Variants in DDR2 observed in about 807,000 individuals in gnomAD.
DDR2 encodes discoidin domain-containing receptor 2.
A neutral mutation model predicts 94.9 loss-of-function variants in DDR2; 27 were observed. That is an observed-to-expected ratio of 0.28 (90% confidence interval 0.21 to 0.39). The LOEUF (loss-of-function observed/expected upper bound fraction) is 0.39. Among genes scored for constraint, DDR2 ranks in the 10% least tolerant of loss-of-function variants. The probability of loss-of-function intolerance (pLI) is 1.00; values close to 1 mark genes in which losing one functional copy is unlikely to be tolerated. For missense variants in DDR2, 783 were observed against 1,076.0 expected (o/e 0.73, Z 3.81); for synonymous variants, 382 against 377.2 (o/e 1.01, Z -0.15).
At position 162,708,978 on chromosome 1, in the gene DDR2, T is replaced by C. The variant is rs891119476; in HGVS notation, c.-27-10059T>C. 2.6e-5 allele frequency among the ~76,000 whole-genome samples: 4 copies of C among 152,266 alleles called. No homozygotes were observed. The East Asian group carries it at 5.8e-4, about 22-fold the overall frequency. On this transcript the variant is annotated intron_variant, in intron 2 of 17. Transcript: ENST00000367921. Reference sequence around the variant, plus strand: ...AGAGAAATACAAATAAATGGTAACATTTATGAGACAGGTACTAGGTTCTAG... The same window carrying C: ...AGAGAAATACAAATAAATGGTAACACTTATGAGACAGGTACTAGGTTCTAG...
chr1:162,704,367 A>C (rs1386087267), intron 2 of DDR2, among the ~76,000 whole-genome samples: 1 of 152,022 alleles, frequency 6.6e-6, no homozygotes, highest in East Asian at 1.9e-4. Flanking sequence ...GTGTGCATGA[A>C]CCTTATTCAT....
chr1:162,650,644 G>A (rs1650313359), intron 1 of DDR2, among the ~76,000 whole-genome samples: 1 of 152,048 alleles, frequency 6.6e-6, no homozygotes, highest in Admixed American at 6.6e-5. Flanking sequence ...CTGGTCACAT[G>A]CAGCCCAGAC....
rs1047789660 is a variant in DDR2, at chr1:162,781,585, G to A, written c.*1339G>A. On this transcript the variant is annotated 3_prime_UTR_variant, in exon 18 of 18. Coordinates refer to ENST00000367921, the MANE Select transcript of DDR2 (RefSeq NM_006182.4). ...TGTCCTTCTAACTCCGAGAGTCCTT[G>A]ATTCTGGAGAGGCACAGGATGAACA... The A allele has an allele frequency of 2.0e-5, 3 of 152,180 alleles. No individual in the cohort carries two copies. The highest frequency in any genetic ancestry group is 2.9e-5 in the Non-Finnish European group (2 of 68,038). 9.4% of individuals were successfully genotyped at this position (152,180 alleles called of 1,614,324 possible). A position where few individuals can be genotyped will look rare whatever the true frequency, so the allele number is the denominator to read the frequency against.
At chr1:162,661,558 C>T (rs1658296883) in intron 2 of DDR2, among the ~76,000 whole-genome samples, 1 of 152,152 alleles carries the variant, frequency 6.6e-6, no homozygotes, top group Non-Finnish European at 1.5e-5. Flanking sequence ...TGCGTGTGTA[C>T]ACCAAGCATA....
intron 7 of DDR2, among the ~76,000 whole-genome samples, chr1:162,757,554 C>G (rs1663520332): frequency 6.6e-6 from 1 of 151,982 alleles, no homozygotes; most frequent in Non-Finnish European, 1.5e-5. Flanking sequence ...GAAGTCAAAG[C>G]CAAAAGGAGC....
chr1:162,669,071 C>T (rs1276400867), intron 2 of DDR2, among the ~76,000 whole-genome samples: 1 of 152,156 alleles, frequency 6.6e-6, no homozygotes, highest in African/African-American at 2.4e-5. Context: ...ATATTATAAC[C>T]TTTGCTCATG....
chr1:162,684,320 T>C (rs1558025108), intron 2 of DDR2, among the ~76,000 whole-genome samples: 1 of 152,216 alleles, frequency 6.6e-6, no homozygotes. Context: ...TCTTTCTTTT[T>C]TAAGCATAAG....
intron 2 of DDR2, among the ~76,000 whole-genome samples, chr1:162,713,808 C>T (rs1661034950): frequency 6.6e-6 from 1 of 152,050 alleles, no homozygotes; most frequent in Non-Finnish European, 1.5e-5. Context: ...CTTTTTTGTG[C>T]ATGCCTCATT....
chr1:162,780,419 AC>A lies in DDR2; in HGVS notation c.*174del. The A allele has an allele frequency of 3.2e-6, 2 of 630,052 alleles. No individual in the cohort carries two copies. Among genetic ancestry groups the A allele is most frequent in the Middle Eastern group, 4.5e-4 (1 of 2,230 alleles). 39.0% of individuals were successfully genotyped at this position (630,052 alleles called of 1,614,324 possible). The stretch of plus-strand genomic sequence containing the variant: ...CACTCCCTACCCCTGACTCATATAC[AC>A]TTTTTTTTTTTTTTACATTAAAGAA... On this transcript the variant is annotated 3_prime_UTR_variant, in exon 18 of 18. Coordinates refer to ENST00000367921, the MANE Select transcript of DDR2 (RefSeq NM_006182.4).
chr1:162,667,643 A>G (rs1353418086), intron 2 of DDR2, among the ~76,000 whole-genome samples: 2 of 152,216 alleles, frequency 1.3e-5, no homozygotes, highest in Non-Finnish European at 2.9e-5. Context: ...GCATAAGAAG[A>G]GCTGTCCTTT....
At chr1:162,774,877 G>A (rs893548564) in intron 14 of DDR2, among the ~76,000 whole-genome samples, 16 of 152,144 alleles carry the variant, frequency 1.1e-4, no homozygotes, top group African/African-American at 3.1e-4. Flanking sequence ...TTATATTGAC[G>A]TAGTATGACT....
chr1:162,709,713 G>A (rs1032395840), intron 2 of DDR2, among the ~76,000 whole-genome samples: 1 of 152,146 alleles, frequency 6.6e-6, no homozygotes, highest in Non-Finnish European at 1.5e-5. Flanking sequence ...AGGTACGGTG[G>A]GAAAGAAAAT....
intron 9 of DDR2, 92 bp downstream of exon 9, chr1:162,761,546 A>G: frequency 1.3e-6 from 2 of 1,597,782 alleles, no homozygotes; most frequent in South Asian, 2.2e-5. Context: ...GGTCTCTGAG[A>G]GGAGTGGGAT....
intron 2 of DDR2, among the ~76,000 whole-genome samples, chr1:162,675,034 T>A (rs10799863): frequency 0.019 from 2,835 of 151,890 alleles, 49 homozygotes; most frequent in Non-Finnish European, 0.029. Context: ...GGTGGGCACC[T>A]GTAATTTCAA....
chr1:162,742,404 C>T (rs577166986), intron 3 of DDR2, among the ~76,000 whole-genome samples: 6 of 152,324 alleles, frequency 3.9e-5, no homozygotes, highest in South Asian at 2.1e-4. Flanking sequence ...TTATAATCAT[C>T]GTGGACGGTG....
At position 162,782,744 on chromosome 1, in the gene DDR2, T is replaced by A. The variant is rs1027479316; in HGVS notation, c.*2498T>A. 6.6e-6 allele frequency: 1 copy of A among 152,132 alleles called. No homozygotes were observed. Among genetic ancestry groups the A allele is most frequent in the East Asian group, 1.9e-4 (1 of 5,200 alleles). The allele number at this position is 152,132 out of a possible 1,614,324, so 9.4% of individuals were successfully genotyped here. A position where few individuals can be genotyped will look rare whatever the true frequency, so the allele number is the denominator to read the frequency against. Reference sequence around the variant, plus strand: ...ACTGGGTTATTCTATGATTCCATATTTTTTTTAAAAAAAATCATATTTAAA... The same window carrying A: ...ACTGGGTTATTCTATGATTCCATATATTTTTTAAAAAAAATCATATTTAAA... On this transcript the variant is annotated 3_prime_UTR_variant, in exon 18 of 18. Coordinates refer to ENST00000367921, the MANE Select transcript of DDR2 (RefSeq NM_006182.4).
intron 2 of DDR2, among the ~76,000 whole-genome samples, chr1:162,665,810 T>C (rs1571167187): frequency 6.6e-6 from 1 of 152,196 alleles, no homozygotes; most frequent in Admixed American, 6.5e-5. Flanking sequence ...GTAGACTATT[T>C]ATGATATTTC....
chr1:162,650,261 C>T (rs1211104424), intron 1 of DDR2, among the ~76,000 whole-genome samples: 1 of 145,566 alleles, frequency 6.9e-6, no homozygotes, highest in Non-Finnish European at 1.5e-5. Context: ...TCACAATCTC[C>T]CCTTACAAAC....
intron 2 of DDR2, among the ~76,000 whole-genome samples, chr1:162,673,166 A>C (rs1658951047): frequency 6.6e-6 from 1 of 152,234 alleles, no homozygotes. Flanking sequence ...CCTTTCAAGA[A>C]AAATTAATAC....
Sources: gnomAD v4.1 joint callset for allele counts (sites outside exome capture counted in the v4.1 genomes callset) on GRCh38, gnomAD v4.1.1 for gene constraint, MANE v1.5 for transcripts, NCBI Gene and HGNC (gene_info 2026-07-23, HGNC 2026-07-21) for gene names.